CNTNAP2: variants seen among roughly 807,000 people sequenced by gnomAD.
The protein encoded by CNTNAP2 is contactin-associated protein-like 2.
In CNTNAP2, 98 loss-of-function variants were observed where a neutral mutation model predicts 155.2. The ratio of observed to expected loss-of-function variants is 0.63; its 90% CI spans 0.54 to 0.75. The LOEUF is 0.75. Ranked by LOEUF, CNTNAP2 falls within the 30% of genes least tolerant of loss-of-function variation. The probability of loss-of-function intolerance (pLI) is 0.00; values close to 1 mark genes in which losing one functional copy is unlikely to be tolerated. For synonymous variants in CNTNAP2, 651 were observed against 631.2 expected (o/e 1.03, Z -0.47); for missense variants, 1,727 against 1,688.1 (o/e 1.02, Z -0.40).
chr7:147,689,698 G>T (rs889727102), intron 13 of CNTNAP2, among the ~76,000 whole-genome samples: 1 of 152,130 alleles, frequency 6.6e-6, no homozygotes, highest in African/African-American at 2.4e-5. Context: ...AGCTCTGAAG[G>T]TATGATACAG....
At chr7:146,281,096 G>A (rs1321329094) in intron 1 of CNTNAP2, among the ~76,000 whole-genome samples, 1 of 152,168 alleles carries the variant, frequency 6.6e-6, no homozygotes, top group Non-Finnish European at 1.5e-5. Context: ...CATGGGCCAA[G>A]GCGGGTCACA....
intron 3 of CNTNAP2, among the ~76,000 whole-genome samples, chr7:147,005,264 G>A (rs74366692): frequency 0.056 from 8,438 of 152,028 alleles, 319 homozygotes; most frequent in Middle Eastern, 0.13. Flanking sequence ...TGATGTAATC[G>A]GTAACATTGT....
intron 1 of CNTNAP2, among the ~76,000 whole-genome samples, chr7:146,525,531 T>TC (rs1434163010): frequency 1.5e-5 from 2 of 136,776 alleles, no homozygotes; most frequent in Non-Finnish European, 3.1e-5. Context: ...GTCTTTTCAG[T>TC]TTATCTATCT....
At chr7:148,011,519 AC>A (rs1802080476) in intron 15 of CNTNAP2, among the ~76,000 whole-genome samples, 1 of 151,954 alleles carries the variant, frequency 6.6e-6, no homozygotes. Flanking sequence ...TTTTTCTGGC[AC>A]TTTTTCACAG....
At chr7:146,735,136 A>G (rs1801589579) in intron 1 of CNTNAP2, among the ~76,000 whole-genome samples, 1 of 152,220 alleles carries the variant, frequency 6.6e-6, no homozygotes, top group Non-Finnish European at 1.5e-5. Context: ...TATTATACAG[A>G]AAGCATACAT....
intron 3 of CNTNAP2, among the ~76,000 whole-genome samples, chr7:146,921,311 A>G (rs892420644): frequency 1.7e-4 from 26 of 152,314 alleles, no homozygotes; most frequent in African/African-American, 6.0e-4. Context: ...AAAAGGAAAA[A>G]CAATGTCCTG....
chr7:147,380,172 AC>A (rs1356443001), intron 9 of CNTNAP2, among the ~76,000 whole-genome samples: 2 of 152,128 alleles, frequency 1.3e-5, no homozygotes, highest in South Asian at 2.1e-4. Context: ...TATGTTATAA[AC>A]TTTTGGGGTG....
At chr7:148,323,614 A>G (rs1440172193) in intron 21 of CNTNAP2, among the ~76,000 whole-genome samples, 1 of 151,970 alleles carries the variant, frequency 6.6e-6, no homozygotes, top group East Asian at 1.9e-4. Flanking sequence ...ACTCCGTTGG[A>G]CAGCTTGCTT....
At chr7:147,450,226 C>T (rs1269663611) in intron 10 of CNTNAP2, among the ~76,000 whole-genome samples, 1 of 152,196 alleles carries the variant, frequency 6.6e-6, no homozygotes, top group African/African-American at 2.4e-5. Flanking sequence ...ATGAGAAGCA[C>T]TCAAATGCCA....
intron 13 of CNTNAP2, among the ~76,000 whole-genome samples, chr7:147,706,181 GTT>G (rs767715009): frequency 3.5e-4 from 47 of 133,518 alleles, no homozygotes; most frequent in African/African-American, 1.3e-3. Context: ...AACATTTGAG[GTT>G]TTTTTTTTTT....
intron 20 of CNTNAP2, among the ~76,000 whole-genome samples, chr7:148,249,324 G>A (rs1171913073): frequency 1.3e-5 from 2 of 152,118 alleles, no homozygotes; most frequent in African/African-American, 4.8e-5. Flanking sequence ...GGCTTTTAGG[G>A]AACACTGCTC....
intron 15 of CNTNAP2, among the ~76,000 whole-genome samples, chr7:148,000,710 G>C (rs1801881225): frequency 6.6e-6 from 1 of 152,198 alleles, no homozygotes; most frequent in South Asian, 2.1e-4. Flanking sequence ...TAGCAGACTA[G>C]ATTCCTCAGT....
At chr7:147,849,183 A>G (rs1199049149) in intron 13 of CNTNAP2, among the ~76,000 whole-genome samples, 1 of 152,244 alleles carries the variant, frequency 6.6e-6, no homozygotes, top group Non-Finnish European at 1.5e-5. Context: ...TTAGCATAAT[A>G]TAGTAATATC....
At chr7:147,915,174 CA>C (rs1172888703) in intron 14 of CNTNAP2, among the ~76,000 whole-genome samples, 1 of 152,156 alleles carries the variant, frequency 6.6e-6, no homozygotes, top group Non-Finnish European at 1.5e-5. Flanking sequence ...TTCACATCAT[CA>C]ACAACAAAAC....
intron 3 of CNTNAP2, among the ~76,000 whole-genome samples, chr7:146,988,013 G>A (rs998585433): frequency 1.3e-5 from 2 of 151,868 alleles, no homozygotes; most frequent in Non-Finnish European, 2.9e-5. Context: ...TATTTCCAAG[G>A]CCTCAATTTT....
At chr7:146,626,654 A>G (rs1043260745) in intron 1 of CNTNAP2, among the ~76,000 whole-genome samples, 5 of 152,180 alleles carry the variant, frequency 3.3e-5, no homozygotes, top group African/African-American at 9.6e-5. Context: ...AAATACATCA[A>G]CTCATCATGA....
chr7:147,568,035 G>A (rs531858125), intron 12 of CNTNAP2, among the ~76,000 whole-genome samples: 74 of 152,228 alleles, frequency 4.9e-4, no homozygotes, highest in Middle Eastern at 3.4e-3. Flanking sequence ...CCAGTGAGCC[G>A]AGATTGTGCC....
intron 8 of CNTNAP2, among the ~76,000 whole-genome samples, chr7:147,253,809 T>G (rs1804257798): frequency 6.6e-6 from 1 of 152,206 alleles, no homozygotes; most frequent in African/African-American, 2.4e-5. Flanking sequence ...GGTACCACTG[T>G]GTACTTAAGA....
At chr7:147,147,874 A>G (rs1215376892) in intron 8 of CNTNAP2, among the ~76,000 whole-genome samples, 1 of 152,130 alleles carries the variant, frequency 6.6e-6, no homozygotes, top group Non-Finnish European at 1.5e-5. Flanking sequence ...ATATAATGAG[A>G]GAAAAAAAGT....
Sources: allele counts gnomAD v4.1 joint callset (sites outside exome capture counted in the v4.1 genomes callset), GRCh38; gene constraint gnomAD v4.1.1; transcripts MANE v1.5; gene names NCBI Gene and HGNC (gene_info 2026-07-23, HGNC 2026-07-21).